Variants in EPHA6 observed in about 807,000 individuals in gnomAD.
EPHA6 encodes ephrin type-A receptor 6.
In EPHA6, 50 loss-of-function variants were observed where a neutral mutation model predicts 112.0. That is an observed-to-expected ratio of 0.45 (90% CI 0.36 to 0.56). The LOEUF is 0.56. Ranked by LOEUF, EPHA6 falls within the 20% of genes least tolerant of loss-of-function variation. EPHA6 has a pLI of 0.00. For missense variants in EPHA6, 1,280 were observed against 1,417.4 expected (o/e 0.90, Z 1.56); for synonymous variants, 529 against 490.7 (o/e 1.08, Z -1.03).
intron 11 of EPHA6, among the ~76,000 whole-genome samples, chr3:97,581,698 A>G (rs919616715): frequency 2.0e-5 from 3 of 152,236 alleles, no homozygotes; most frequent in Non-Finnish European, 4.4e-5. Flanking sequence ...TGACTTGCAT[A>G]AGGTCATGCA....
In EPHA6 at chr3:97,321,017, A is replaced by G. The variant is rs2108782508; in HGVS notation, c.1606+76730A>G. 1.3e-5 allele frequency among the ~76,000 whole-genome samples: 2 copies of G among 152,042 alleles called. 1 individual carries two copies. The highest frequency in any genetic ancestry group is 4.8e-5 in the African/African-American group (2 of 41,410). ...TGACCTTACATAGCTTCATCTGCAC[A>G]ACTATTGATTTTTTTCTGTCTTTAT... is the stretch of plus-strand genomic sequence containing the variant. On this transcript the variant is annotated intron_variant, in intron 5 of 17. Transcript: ENST00000389672.
chr3:97,273,681 T>C (rs1013989775), intron 5 of EPHA6, among the ~76,000 whole-genome samples: 2 of 152,096 alleles, frequency 1.3e-5, no homozygotes, highest in African/African-American at 2.4e-5. Context: ...CCGTAGGGGA[T>C]ATAAAGGTTT....
chr3:97,626,745 C>T (rs975725515), intron 13 of EPHA6, among the ~76,000 whole-genome samples: 1 of 151,778 alleles, frequency 6.6e-6, no homozygotes, highest in Non-Finnish European at 1.5e-5. Context: ...GGTTGATAAA[C>T]TATTAGTAGC....
At chr3:97,553,505 G>A (rs1464405896) in intron 11 of EPHA6, among the ~76,000 whole-genome samples, 1 of 152,140 alleles carries the variant, frequency 6.6e-6, no homozygotes, top group Admixed American at 6.6e-5. Context: ...AGAAGGCTAA[G>A]AGTAAGCAAG....
chr3:97,120,303 C>T (rs949273685), intron 3 of EPHA6, among the ~76,000 whole-genome samples: 5 of 151,816 alleles, frequency 3.3e-5, no homozygotes, highest in Non-Finnish European at 5.9e-5. Context: ...TCTTTCTCTT[C>T]TAGAAACAGT....
intron 5 of EPHA6, among the ~76,000 whole-genome samples, chr3:97,376,788 T>C (rs1187839702): frequency 1.3e-5 from 2 of 152,184 alleles, no homozygotes; most frequent in Admixed American, 6.5e-5. Flanking sequence ...AATAATGGAT[T>C]ATGCTGAAGG....
intron 5 of EPHA6, among the ~76,000 whole-genome samples, chr3:97,333,801 T>A (rs1389604410): frequency 6.6e-6 from 1 of 152,002 alleles, no homozygotes; most frequent in East Asian, 1.9e-4. Context: ...TTTTACCTCT[T>A]TTTTTGCTCA....
At chr3:97,054,171 C>A (rs1187184080) in intron 3 of EPHA6, among the ~76,000 whole-genome samples, 1 of 149,712 alleles carries the variant, frequency 6.7e-6, no homozygotes, top group African/African-American at 2.5e-5. Flanking sequence ...CTAACACACA[C>A]ACACACACAC....
chr3:96,855,487 TG>T (rs147459684), intron 1 of EPHA6, among the ~76,000 whole-genome samples: 3,462 of 152,176 alleles, frequency 0.023, 138 homozygotes, highest in African/African-American at 0.079. Flanking sequence ...TAACAGTTAC[TG>T]AAACAGAGAA....
intron 2 of EPHA6, among the ~76,000 whole-genome samples, chr3:96,878,569 A>G (rs2037114903): frequency 6.6e-6 from 1 of 152,078 alleles, no homozygotes; most frequent in African/African-American, 2.4e-5. Context: ...AATAGTCTAG[A>G]TGCAGACTAT....
At chr3:96,961,100 G>A (rs570964082) in intron 2 of EPHA6, among the ~76,000 whole-genome samples, 2 of 152,356 alleles carry the variant, frequency 1.3e-5, no homozygotes, top group South Asian at 4.1e-4. Context: ...AGAAGAGAGG[G>A]AAGGAAGAGC....
chr3:97,372,180 G>T (rs987115091), intron 5 of EPHA6, among the ~76,000 whole-genome samples: 1 of 151,934 alleles, frequency 6.6e-6, no homozygotes, highest in Non-Finnish European at 1.5e-5. Context: ...CGGCTTGGGG[G>T]GCATCACAGA....
intron 14 of EPHA6, among the ~76,000 whole-genome samples, chr3:97,684,347 G>A (rs898463763): frequency 6.6e-6 from 1 of 152,238 alleles, no homozygotes; most frequent in Admixed American, 6.5e-5. Context: ...AAAAGCTTTA[G>A]AAATGTGTTC....
chr3:97,149,613 T>C (rs1367317581), intron 3 of EPHA6, among the ~76,000 whole-genome samples: 1 of 151,918 alleles, frequency 6.6e-6, no homozygotes, highest in East Asian at 1.9e-4. Flanking sequence ...GGCTATGCAA[T>C]AGTAATATTT....
At chr3:97,518,256 CTT>C (rs1473890056) in intron 10 of EPHA6, among the ~76,000 whole-genome samples, 1 of 152,070 alleles carries the variant, frequency 6.6e-6, no homozygotes, top group African/African-American at 2.4e-5. Flanking sequence ...CATTTGTTAT[CTT>C]TTGTGTTTTT....
Position 97,386,583 on chromosome 3 carries a change from C to A in EPHA6, c.1607-18567C>A, listed in dbSNP as rs1007334255. Among the ~76,000 whole-genome samples the A allele has an allele frequency of 2.6e-5, 4 of 152,184 alleles. No homozygotes were observed. The East Asian group carries it at 5.8e-4, about 22-fold the overall frequency. On this transcript the variant is annotated intron_variant, in intron 5 of 17. Transcript: ENST00000389672. Reference sequence around the variant, plus strand: ...CCTGTGGCTTTGCAAGGTACAGCCCCCTTCCTCACTGCTTTCACAAGCTGA... The same window carrying A: ...CCTGTGGCTTTGCAAGGTACAGCCCACTTCCTCACTGCTTTCACAAGCTGA...
At position 97,052,878 on chromosome 3, in the gene EPHA6, G is replaced by A. The variant is rs368119650; in HGVS notation, c.1114+64885G>A. ...TACAATGCCATCTCTATCAGGGGAG[G>A]CCTACCTCCATCTAACTAAATACAC... is the stretch of plus-strand genomic sequence containing the variant. On this transcript the variant is annotated intron_variant, in intron 3 of 17. Coordinates refer to ENST00000389672, the MANE Select transcript of EPHA6 (RefSeq NM_001080448.3). 5.3e-5 allele frequency among the ~76,000 whole-genome samples: 8 copies of A among 152,148 alleles called. No individual in the cohort carries two copies. In the East Asian group the frequency reaches 7.7e-4, roughly 15 times the overall value.
At chr3:97,491,454 C>T (rs2091835060) in intron 10 of EPHA6, among the ~76,000 whole-genome samples, 1 of 152,128 alleles carries the variant, frequency 6.6e-6, no homozygotes, top group Admixed American at 6.5e-5. Context: ...GGGCCAGGTA[C>T]AGTCGGGGGG....
intron 11 of EPHA6, among the ~76,000 whole-genome samples, chr3:97,571,370 C>G (rs1470945200): frequency 7.3e-5 from 11 of 150,342 alleles, no homozygotes; most frequent in Non-Finnish European, 7.4e-5. Flanking sequence ...GAAAAACCCT[C>G]CTTAAAAAAA....
Sources: allele counts gnomAD v4.1 joint callset (sites outside exome capture counted in the v4.1 genomes callset), GRCh38; gene constraint gnomAD v4.1.1; transcripts MANE v1.5; gene names NCBI Gene and HGNC (gene_info 2026-07-23, HGNC 2026-07-21).